METTL25: variants seen among roughly 807,000 people sequenced by gnomAD.
METTL25 encodes the protein methyltransferase like 25.
METTL25 carries 64 observed loss-of-function variants against 71.6 expected under a neutral mutation model. The observed-to-expected ratio is 0.89, with a 90% CI of 0.73 to 1.10. The LOEUF is 1.10. Among genes scored for constraint, METTL25 ranks in the 50% least tolerant of loss-of-function variants. METTL25 has a pLI of 0.00. For missense variants in METTL25, 807 were observed against 707.0 expected, an observed-to-expected ratio of 1.14 and a Z score of -1.60; for synonymous variants, 287 against 250.3, an observed-to-expected ratio of 1.15 and a Z score of -1.38.
At chr12:82,441,607 A>T (rs2137195542) in intron 8 of METTL25, among the ~76,000 whole-genome samples, 1 of 151,962 alleles carries the variant, frequency 6.6e-6, no homozygotes, top group South Asian at 2.1e-4. Flanking sequence ...AAGGAACAAC[A>T]CAGTACGAGT....
At chr12:82,367,865 T>C (rs1882737616) in intron 1 of METTL25, among the ~76,000 whole-genome samples, 1 of 152,270 alleles carries the variant, frequency 6.6e-6, no homozygotes, top group East Asian at 1.9e-4. Context: ...TGGATTTTAG[T>C]GTCAGTCACA....
In METTL25 at chr12:82,362,265, C is replaced by T. The variant is rs1306907237; in HGVS notation, c.259+3441C>T. ...AAGCAAATATGTTAGAAATAACTAT[C>T]TTTTCAGTGCATAAATTATGGCTTT... On this transcript the variant is annotated intron_variant, in intron 1 of 11. Coordinates refer to ENST00000248306, the MANE Select transcript of METTL25 (RefSeq NM_032230.3). Among the ~76,000 whole-genome samples the T allele has an allele frequency of 6.6e-5, 10 of 152,286 alleles. 1 individual carries two copies. Among genetic ancestry groups the T allele is most frequent in the African/African-American group, 1.9e-4 (8 of 41,552 alleles).
At chr12:82,421,914 C>T (rs997854594) in intron 5 of METTL25, among the ~76,000 whole-genome samples, 4 of 152,004 alleles carry the variant, frequency 2.6e-5, no homozygotes, top group African/African-American at 4.8e-5. Context: ...AATGGCTTAC[C>T]AACCAAAAAA....
chr12:82,382,607 A>T (rs1215018508), intron 1 of METTL25, among the ~76,000 whole-genome samples: 1 of 152,234 alleles, frequency 6.6e-6, no homozygotes, highest in African/African-American at 2.4e-5. Context: ...ACTGGGCATA[A>T]AGCATAGGTT....
intron 5 of METTL25, among the ~76,000 whole-genome samples, chr12:82,418,292 C>G (rs1888161595): frequency 6.6e-6 from 1 of 152,002 alleles, no homozygotes; most frequent in Admixed American, 6.6e-5. Context: ...AACAGGTTGA[C>G]TTTGTGTATG....
intron 6 of METTL25, among the ~76,000 whole-genome samples, chr12:82,432,513 A>G (rs1056865642): frequency 1.3e-5 from 2 of 151,750 alleles, no homozygotes; most frequent in Non-Finnish European, 2.9e-5. Context: ...GAAAAGAACT[A>G]TGTAATATCC....
At chr12:82,400,149 C>T (rs1182792559) in intron 4 of METTL25, among the ~76,000 whole-genome samples, 1 of 151,728 alleles carries the variant, frequency 6.6e-6, no homozygotes, top group Non-Finnish European at 1.5e-5. Context: ...TAGCGAAACC[C>T]CATCTCTACT....
chr12:82,436,923 A>G (rs1889962459), intron 7 of METTL25, among the ~76,000 whole-genome samples: 1 of 151,628 alleles, frequency 6.6e-6, no homozygotes, highest in South Asian at 2.1e-4. Context: ...TAGACTTGCG[A>G]AAGTGACTTT....
chr12:82,392,824 TA>T (rs1885719681), intron 3 of METTL25, among the ~76,000 whole-genome samples: 2 of 152,062 alleles, frequency 1.3e-5, no homozygotes, highest in South Asian at 4.1e-4. Context: ...TGGTGAGAGA[TA>T]GGGGTCTAGT....
At chr12:82,459,168 G>C (rs1245798906) in intron 9 of METTL25, among the ~76,000 whole-genome samples, 1 of 152,014 alleles carries the variant, frequency 6.6e-6, no homozygotes, top group African/African-American at 2.4e-5. Context: ...ATTCAGATAT[G>C]GCAAAAATGT....
intron 9 of METTL25, among the ~76,000 whole-genome samples, chr12:82,458,547 A>C (rs981528810): frequency 8.5e-5 from 13 of 152,166 alleles, no homozygotes; most frequent in African/African-American, 2.7e-4. Flanking sequence ...TAAAAAATAC[A>C]GAGAGAACCA....
chr12:82,360,748 T>A (rs1361044754), intron 1 of METTL25, among the ~76,000 whole-genome samples: 2 of 151,894 alleles, frequency 1.3e-5, no homozygotes, highest in African/African-American at 2.4e-5. Flanking sequence ...AGGAGTATGG[T>A]CTTGTGTCCG....
chr12:82,359,201 AGTG>A (rs1429529254), intron 1 of METTL25, among the ~76,000 whole-genome samples: 3 of 152,182 alleles, frequency 2.0e-5, no homozygotes, highest in Non-Finnish European at 2.9e-5. Context: ...GATAATTTCA[AGTG>A]GTGGTAATGA....
chr12:82,444,836 A>G (rs1264884409), intron 8 of METTL25, among the ~76,000 whole-genome samples: 5 of 152,238 alleles, frequency 3.3e-5, no homozygotes, highest in South Asian at 2.1e-4. Flanking sequence ...AGCTCACTGC[A>G]CCTGTAAGGA....
intron 8 of METTL25, among the ~76,000 whole-genome samples, chr12:82,442,725 C>T (rs1027968961): frequency 2.6e-5 from 4 of 152,066 alleles, no homozygotes; most frequent in Non-Finnish European, 4.4e-5. Context: ...ATGAAGAGTA[C>T]ACCAGTCCTT....
intron 5 of METTL25, among the ~76,000 whole-genome samples, chr12:82,417,487 A>T (rs1888085422): frequency 6.6e-6 from 1 of 152,216 alleles, no homozygotes; most frequent in Non-Finnish European, 1.5e-5. Context: ...ATTACTTGTG[A>T]CACTCCCTTC....
chr12:82,455,415 A>G (rs1445542909), intron 8 of METTL25, among the ~76,000 whole-genome samples: 1 of 151,910 alleles, frequency 6.6e-6, no homozygotes, highest in Non-Finnish European at 1.5e-5. Context: ...TCTGGAACCT[A>G]TACCTATTCA....
chr12:82,375,133 G>C (rs1883694256), intron 1 of METTL25, among the ~76,000 whole-genome samples: 1 of 152,198 alleles, frequency 6.6e-6, no homozygotes, highest in Non-Finnish European at 1.5e-5. Context: ...GGGAAATAAT[G>C]TATTGCATTT....
At chr12:82,401,773 T>A (rs983677746) in intron 4 of METTL25, among the ~76,000 whole-genome samples, 16 of 152,028 alleles carry the variant, frequency 1.1e-4, no homozygotes, top group Non-Finnish European at 2.9e-5. Flanking sequence ...GATTTAATTT[T>A]AAAAAACTAG....
Sources: allele counts gnomAD v4.1 joint callset (sites outside exome capture counted in the v4.1 genomes callset), GRCh38; gene constraint gnomAD v4.1.1; transcripts MANE v1.5; gene names NCBI Gene and HGNC (gene_info 2026-07-23, HGNC 2026-07-21).